KMT2A: variants seen among roughly 807,000 people sequenced by gnomAD.
KMT2A encodes the protein lysine methyltransferase 2A, also known as histone-lysine N-methyltransferase 2A.
In KMT2A, 16 loss-of-function variants were observed where a neutral mutation model predicts 345.3. The observed-to-expected ratio is 0.05, with a 90% confidence interval of 0.03 to 0.07. KMT2A has a LOEUF of 0.07. Among genes scored for constraint, KMT2A ranks in the 10% least tolerant of loss-of-function variants. KMT2A has a pLI of 1.00. For missense variants in KMT2A, 3,272 were observed against 4,841.6 expected, an observed-to-expected ratio of 0.68 and a Z score of 9.62; for synonymous variants, 1,599 against 1,778.6, an observed-to-expected ratio of 0.90 and a Z score of 2.54.
intron 1 of KMT2A, among the ~76,000 whole-genome samples, chr11:118,440,163 C>G (rs1555139753): frequency 6.6e-6 from 1 of 152,186 alleles, no homozygotes; most frequent in Non-Finnish European, 1.5e-5. Flanking sequence ...GCCTATGTAA[C>G]AACACCTATG....
chr11:118,512,184 G>A lies in KMT2A; in HGVS notation c.11146+159G>A, dbSNP rs1161639777. 3.8e-5 allele frequency: 24 copies of A among 625,562 alleles called. 1 individual carries two copies. In the Middle Eastern group the frequency reaches 9.8e-4, roughly 26 times the overall value. 38.8% of individuals were successfully genotyped at this position (625,562 alleles called of 1,614,324 possible). A position where few individuals can be genotyped will look rare whatever the true frequency, so the allele number is the denominator to read the frequency against. ...ATACCATACAGTTCACCCATCTAAA[G>A]CATACAATTCAGTGGTTTTTAATAT... On this transcript the variant is annotated intron_variant, in intron 31 of 35. Coordinates refer to ENST00000534358, the MANE Select transcript of KMT2A (RefSeq NM_001197104.2).
intron 31 of KMT2A, among the ~76,000 whole-genome samples, chr11:118,513,090 T>C (rs1167999880): frequency 6.6e-6 from 1 of 152,016 alleles, no homozygotes; most frequent in Non-Finnish European, 1.5e-5. Context: ...AATAAAAATA[T>C]ATATTAGCCG....
rs1555044122 is a variant in KMT2A at position 118,496,913 on chromosome 11, C to T, written c.5664+546C>T. ...AAATGAAATAATGTATGTAAAGCCT[C>T]TATTTGGTGCCTGGCACACACAGTA... On this transcript the variant is annotated intron_variant, in intron 20 of 35. Transcript: ENST00000534358. The surrounding 1 kb of genome is among the most constrained non-coding windows in gnomAD (Gnocchi z 4.7). 6.6e-6 allele frequency among the ~76,000 whole-genome samples: 1 copy of T among 152,184 alleles called. No homozygotes were observed. The highest frequency in any genetic ancestry group is 1.5e-5 in the Non-Finnish European group (1 of 68,026).
At chr11:118,450,628 A>T (rs1369925661) in intron 1 of KMT2A, 1 of 152,162 alleles carries the variant, frequency 6.6e-6, no homozygotes, top group African/African-American at 2.4e-5. Flanking sequence ...GCGCTCTTTA[A>T]TCCCAAGTGA....
Position 118,500,820 on chromosome 11 carries a change from C to T in KMT2A, c.6159-167C>T, listed in dbSNP as rs1950488901. On this transcript the variant is annotated intron_variant, in intron 24 of 35. Coordinates refer to ENST00000534358, the MANE Select transcript of KMT2A (RefSeq NM_001197104.2). ...AAGAAAAACCAAGGACTTCAAAAAG[C>T]TTGGAACAACCTAACTAGGGGAATC... The T allele has an allele frequency of 1.4e-5, 6 of 433,622 alleles. No homozygotes were observed. The South Asian group carries it at 3.4e-4, about 24-fold the overall frequency. The allele number at this position is 433,622 out of a possible 1,614,324, so 26.9% of individuals were successfully genotyped here.
intron 31 of KMT2A, among the ~76,000 whole-genome samples, chr11:118,516,070 G>C (rs1192917805): frequency 6.6e-6 from 1 of 152,098 alleles, no homozygotes; most frequent in Non-Finnish European, 1.5e-5. Context: ...TAGCCTGGAG[G>C]TTAACCACAA....
At chr11:118,482,392 T>C in intron 7 of KMT2A, 30 bp from the exon 8 acceptor site, 1 of 1,550,442 alleles carries the variant, frequency 6.4e-7, no homozygotes, top group Non-Finnish European at 8.9e-7. Flanking sequence ...GTTGCCAGCA[T>C]CTGACTGCAA....
Position 118,504,846 on chromosome 11 carries a change from A to G in KMT2A, c.8954A>G (p.Asp2985Gly). 2 of 1,614,088 alleles carry G rather than the reference A, an allele frequency of 1.2e-6. No individual in the cohort carries two copies. The highest frequency in any genetic ancestry group is 2.2e-5 in the South Asian group (2 of 91,084). The change falls in exon 27 of 36, where the codon GAT (aspartate) becomes GGT (glycine). Residue 2985 changes from aspartate to glycine, a missense_variant. This residue lies in a region of KMT2A where 748 missense variants were observed against 922.2 expected (regional missense o/e 0.81). Transcript: ENST00000534358. This position sits in a 1 kb window ranked among gnomAD's most constrained non-coding sequence, Gnocchi z 6.4. ...SDPALLSPGV[D>G]PTPEGHMTPD... Reference sequence around the variant, plus strand: ...CCAGCACTGCTGAGCCCAGGAGTAGATCCAACTCCTGAAGGCCACATGACT... The same window carrying G: ...CCAGCACTGCTGAGCCCAGGAGTAGGTCCAACTCCTGAAGGCCACATGACT...
chr11:118,479,966 TC>T (rs1555038752), intron 5 of KMT2A, among the ~76,000 whole-genome samples: 1 of 152,190 alleles, frequency 6.6e-6, no homozygotes, highest in Admixed American at 6.5e-5. Flanking sequence ...TGATATTTGC[TC>T]CTTTTAGATC....
intron 11 of KMT2A, among the ~76,000 whole-genome samples, chr11:118,489,231 CAAAAAAAA>C (rs11412289): frequency 9.9e-5 from 9 of 90,630 alleles, no homozygotes; most frequent in Non-Finnish European, 1.6e-4. Context: ...GACTCCATCT[CAAAAAAAA>C]AAAAAAAAAA....
Position 118,504,955 on chromosome 11 carries a change from C to T in KMT2A, c.9063C>T (p.Asn3021=). The T allele has an allele frequency of 6.2e-7, 1 of 1,614,192 alleles. No individual in the cohort carries two copies. Among genetic ancestry groups the T allele is most frequent in the Non-Finnish European group, 8.5e-7 (1 of 1,180,034 alleles). ...PCGSVEQGHG[N]NQDLTRNSST... is the part of the protein sequence containing the mutation. ...GTTCAGTAGAGCAAGGTCATGGCAA[C>T]AATCAGGATTTAACTAGGAACAGTA... is the stretch of plus-strand genomic sequence containing the variant. The change falls in exon 27 of 36, where the codon AAC becomes AAT. Residue 3021 remains asparagine (N), a synonymous_variant. Coordinates refer to ENST00000534358, the MANE Select transcript of KMT2A (RefSeq NM_001197104.2). The surrounding 1 kb of genome is among the most constrained non-coding windows in gnomAD (Gnocchi z 6.4).
At chr11:118,479,206 AT>A (rs1565284930) in intron 5 of KMT2A, among the ~76,000 whole-genome samples, 1 of 152,098 alleles carries the variant, frequency 6.6e-6, no homozygotes, top group Non-Finnish European at 1.5e-5. Context: ...CTTTCTGATT[AT>A]TTTTTTGTAC....
chr11:118,488,053 G>A (rs1266623032), intron 10 of KMT2A, among the ~76,000 whole-genome samples: 3 of 152,138 alleles, frequency 2.0e-5, no homozygotes, highest in Non-Finnish European at 2.9e-5. Context: ...GGTGGCACGC[G>A]CCTGTGATCC....
intron 1 of KMT2A, chr11:118,450,620 G>A (rs1467155090): frequency 3.3e-5 from 5 of 152,256 alleles, no homozygotes; most frequent in East Asian, 3.9e-4. Context: ...TTGTCTTAGC[G>A]CTCTTTAATC....
chr11:118,458,247 AT>A, intron 1 of KMT2A: 1 of 277,692 alleles, frequency 3.6e-6, no homozygotes, highest in South Asian at 2.9e-5. Context: ...CACCCAGTTA[AT>A]TTTTTCTATT....
In KMT2A at chr11:118,494,246, A is replaced by G; in HGVS notation, c.5179-42A>G. ...GGGAAGAGGAAATGGTTTTCAGAGC[A>G]CACTGTTTTAAGAATAATTAACATT... On this transcript the variant is annotated intron_variant, in intron 16 of 35. Coordinates refer to ENST00000534358, the MANE Select transcript of KMT2A (RefSeq NM_001197104.2). This position sits in a 1 kb window ranked among gnomAD's most constrained non-coding sequence, Gnocchi z 5.8. The G allele has an allele frequency of 9.7e-7, 1 of 1,028,302 alleles. No individual in the cohort carries two copies. The highest frequency in any genetic ancestry group is 1.5e-6 in the Non-Finnish European group (1 of 650,738). 63.7% of individuals were successfully genotyped at this position (1,028,302 alleles called of 1,614,324 possible).
chr11:118,495,792 A>G lies in KMT2A; in HGVS notation c.5456A>G (p.Gln1819Arg). The change falls in exon 19 of 36, where the codon CAG (glutamine) becomes CGG (arginine). Residue 1819 changes from glutamine to arginine, a missense_variant. This residue lies in a region of KMT2A where 235 missense variants were observed against 503.4 expected (regional missense o/e 0.47). Transcript: ENST00000534358. The surrounding 1 kb of genome is among the most constrained non-coding windows in gnomAD (Gnocchi z 4.1). ...CGAGAGGAAAACAGCCACACTGAGCAGCCTCCTTTAATGAAGAAAATCATT... is the reference window on the plus strand; with the variant it reads ...CGAGAGGAAAACAGCCACACTGAGCGGCCTCCTTTAATGAAGAAAATCATT... ...QEREENSHTE[Q>R]PPLMKKIIPA... The G allele has an allele frequency of 6.2e-7, 1 of 1,614,162 alleles. No homozygotes were observed. The highest frequency in any genetic ancestry group is 8.5e-7 in the Non-Finnish European group (1 of 1,180,020).
chr11:118,442,593 G>A (rs1949337348), intron 1 of KMT2A, among the ~76,000 whole-genome samples: 1 of 152,196 alleles, frequency 6.6e-6, no homozygotes, highest in Non-Finnish European at 1.5e-5. Context: ...TTGCTCCTAA[G>A]TTGTATCGGC....
intron 31 of KMT2A, among the ~76,000 whole-genome samples, chr11:118,514,153 C>T (rs539656885): frequency 6.6e-6 from 1 of 152,194 alleles, no homozygotes; most frequent in South Asian, 2.1e-4. Flanking sequence ...TTACTATTGC[C>T]TACTAGTTAC....
Sources: allele counts gnomAD v4.1 joint callset (sites outside exome capture counted in the v4.1 genomes callset), GRCh38; gene constraint gnomAD v4.1.1; regional missense constraint gnomAD v4.1.1; non-coding constraint Gnocchi (gnomAD v3.1); transcripts MANE v1.5; gene names NCBI Gene and HGNC (gene_info 2026-07-23, HGNC 2026-07-21).